Variants in SPTA1 observed in about 807,000 individuals in gnomAD.
SPTA1 encodes spectrin alpha chain, erythrocytic 1.
In SPTA1, 177 loss-of-function variants were observed where a neutral mutation model predicts 324.7. The ratio of observed to expected loss-of-function variants is 0.55; its 90% confidence interval spans 0.48 to 0.62. The LOEUF is 0.62. Ranked by LOEUF, SPTA1 falls within the 20% of genes least tolerant of loss-of-function variation. The probability of loss-of-function intolerance (pLI) is 0.00; values close to 1 mark genes in which losing one functional copy is unlikely to be tolerated. For synonymous variants in SPTA1, 1,195 were observed against 1,041.3 expected, an observed-to-expected ratio of 1.15 and a Z score of -2.84; for missense variants, 3,162 against 2,883.6, an observed-to-expected ratio of 1.10 and a Z score of -2.21.
chr1:158,681,102 A>G (rs1220302765), intron 4 of SPTA1, among the ~76,000 whole-genome samples: 1 of 152,200 alleles, frequency 6.6e-6, no homozygotes, highest in Admixed American at 6.5e-5. Flanking sequence ...AGTCCTAACT[A>G]TTAAATTATT....
chr1:158,639,174 G>A, intron 35 of SPTA1: 1 of 205,042 alleles, frequency 4.9e-6, no homozygotes, highest in Non-Finnish European at 1.0e-5. Flanking sequence ...ATCCTTGACA[G>A]GATTTCCAGA....
chr1:158,634,488 A>T, intron 39 of SPTA1, 55 bp downstream of exon 39: 5 of 1,610,206 alleles, frequency 3.1e-6, no homozygotes, highest in Non-Finnish European at 4.2e-6. Context: ...CTGACTACCC[A>T]AGAAAATAAC....
At chr1:158,668,629 G>C (rs1467105067) in intron 14 of SPTA1, among the ~76,000 whole-genome samples, 1 of 152,150 alleles carries the variant, frequency 6.6e-6, no homozygotes, top group African/African-American at 2.4e-5. Flanking sequence ...GAAATCAAAA[G>C]CCTAATTCTC....
chr1:158,664,145 A>T (rs1653431001), intron 16 of SPTA1, among the ~76,000 whole-genome samples: 1 of 152,210 alleles, frequency 6.6e-6, no homozygotes, highest in Non-Finnish European at 1.5e-5. Flanking sequence ...CTAGAACCAG[A>T]CATATCATTT....
At chr1:158,676,366 G>A (rs1020457543) in intron 7 of SPTA1, 71 bp from the exon 8 acceptor site, 1 of 1,540,764 alleles carries the variant, frequency 6.5e-7, no homozygotes, top group Non-Finnish European at 8.9e-7. Context: ...CTTTGTGGGA[G>A]AGGTATAAAA....
chr1:158,676,255 G>A lies in SPTA1; in HGVS notation c.998C>T (p.Ser333Phe). Reference protein sequence around the residue: ...LCAKAEKLTLSHPSDAPQIQE... With the variant: ...LCAKAEKLTLFHPSDAPQIQE... ...GATCTGAGGTGCATCTGAAGGATGG[G>A]AAAGTGTCAGCTTCTCTGCTTTAGC... The change falls in exon 8 of 52, where the codon TCC (serine) becomes TTC (phenylalanine). Residue 333 changes from serine to phenylalanine, a missense_variant. Physicochemically the swap from Ser to Phe is radical, Grantham distance 155 (BLOSUM62 -2). Coordinates refer to ENST00000643759, the MANE Select transcript of SPTA1 (RefSeq NM_003126.4). 6.2e-7 allele frequency: 1 copy of A among 1,613,716 alleles called. No homozygotes were observed. The highest frequency in any genetic ancestry group is 1.1e-5 in the South Asian group (1 of 91,062).
intron 39 of SPTA1, among the ~76,000 whole-genome samples, chr1:158,634,131 A>G (rs757218854): frequency 6.6e-6 from 1 of 152,226 alleles, no homozygotes; most frequent in Non-Finnish European, 1.5e-5. Context: ...CCTTCTTCCT[A>G]AAATTATATT....
chr1:158,645,726 C>A (rs1009993511), intron 27 of SPTA1, 132 bp from the exon 28 acceptor site: 30 of 935,722 alleles, frequency 3.2e-5, no homozygotes, highest in Non-Finnish European at 5.1e-5. Flanking sequence ...ATATGCTTTA[C>A]AGATCTTACG....
intron 8 of SPTA1, 34 bp downstream of exon 8, chr1:158,676,107 A>C: frequency 6.2e-7 from 1 of 1,612,578 alleles, no homozygotes; most frequent in South Asian, 1.1e-5. Context: ...CCCTGTAGAG[A>C]TAGGTAGAGC....
chr1:158,617,907 C>A, intron 46 of SPTA1, 132 bp downstream of exon 46: 1 of 906,560 alleles, frequency 1.1e-6, no homozygotes. Flanking sequence ...GCTTTTCCTT[C>A]TCACTCCACA....
rs750461353 is a variant in SPTA1 at position 158,619,214 on chromosome 1, T to C, written c.6530+8A>G. 1.6e-5 allele frequency: 26 copies of C among 1,612,986 alleles called. No homozygotes were observed. The highest frequency in any genetic ancestry group is 4.0e-5 in the African/African-American group (3 of 74,884). On this transcript the variant is annotated splice_region_variant and intron_variant, in intron 45 of 51. Transcript: ENST00000643759. ...AGGGGTCATGGTTTGGGATGTAGCA[T>C]AGCACACCTGGTTTCCAGGATCCAT...
chr1:158,664,842 G>A (rs560048289), intron 16 of SPTA1, among the ~76,000 whole-genome samples: 4 of 152,170 alleles, frequency 2.6e-5, no homozygotes, highest in East Asian at 3.9e-4. Flanking sequence ...AACCTCTAAC[G>A]TAGTGCAGGA....
Position 158,655,517 on chromosome 1 carries a change from C to T in SPTA1, c.2899-769G>A, listed in dbSNP as rs138197787. ...ATCTCCTTTAGGTAACATGTTTCCT[C>T]ATACCACACAATATATAAATCCTTC... On this transcript the variant is annotated intron_variant, in intron 20 of 51. Transcript: ENST00000643759. 2.9e-3 allele frequency among the ~76,000 whole-genome samples: 444 copies of T among 152,206 alleles called. 8 individuals are homozygous for T. The South Asian group carries it at 0.041, about 14-fold the overall frequency.
In SPTA1 at chr1:158,634,683, A is replaced by C. The variant is rs917341451; in HGVS notation, c.5433-8T>G. ...TCTTCCAACTTAAGTCCTCTATAAC[A>C]AGGTGGCAAGCCCCAGTGAGGATAA... On this transcript the variant is annotated splice_polypyrimidine_tract_variant and splice_region_variant and intron_variant, in intron 38 of 51. Coordinates refer to ENST00000643759, the MANE Select transcript of SPTA1 (RefSeq NM_003126.4). 16 of 1,613,562 alleles carry C rather than the reference A, an allele frequency of 9.9e-6. No homozygotes were observed. The Middle Eastern group carries it at 4.9e-4, about 50-fold the overall frequency.
At chr1:158,658,208 G>A (rs865929321) in intron 18 of SPTA1, among the ~76,000 whole-genome samples, 17 of 152,144 alleles carry the variant, frequency 1.1e-4, no homozygotes, top group Non-Finnish European at 2.1e-4. Flanking sequence ...GGAGGTTTCT[G>A]GGCTGTAGGC....
At chr1:158,640,049 C>A (rs751151943) in intron 33 of SPTA1, 42 bp from the exon 34 acceptor site, 2 of 1,613,474 alleles carry the variant, frequency 1.2e-6, no homozygotes, top group Non-Finnish European at 1.7e-6. Context: ...TCTTTAGGAT[C>A]CCGGGCCCTG....
intron 43 of SPTA1, among the ~76,000 whole-genome samples, chr1:158,622,419 GAATGTAAT>G (rs1347801812): frequency 1.3e-5 from 2 of 151,928 alleles, no homozygotes; most frequent in East Asian, 3.9e-4. Context: ...ATATTTATAT[GAATGTAAT>G]AATGTAATAA....
intron 1 of SPTA1, 60 bp downstream of exon 1, chr1:158,686,434 G>A (rs1655180736): frequency 2.5e-6 from 3 of 1,195,062 alleles, no homozygotes; most frequent in Non-Finnish European, 1.2e-6. Flanking sequence ...AAAGTTTAAA[G>A]GAAACATCTT....
At position 158,656,772 on chromosome 1, in the gene SPTA1, T is replaced by C. The variant is rs1652857323; in HGVS notation, c.2806-116A>G. 9.4e-5 allele frequency: 88 copies of C among 940,962 alleles called. 1 individual carries two copies. In the South Asian group the frequency reaches 1.2e-3, roughly 13 times the overall value. 58.3% of individuals were successfully genotyped at this position (940,962 alleles called of 1,614,324 possible). A position where few individuals can be genotyped will look rare whatever the true frequency, so the allele number is the denominator to read the frequency against. Reference sequence around the variant, plus strand: ...AAATCCTGGTAAAAGCTGCTTTCCATCTATCATAAAGTTATTTTTAACCCT... The same window carrying C: ...AAATCCTGGTAAAAGCTGCTTTCCACCTATCATAAAGTTATTTTTAACCCT... On this transcript the variant is annotated intron_variant, in intron 19 of 51. Coordinates refer to ENST00000643759, the MANE Select transcript of SPTA1 (RefSeq NM_003126.4).
Sources: gnomAD v4.1 joint callset for allele counts (sites outside exome capture counted in the v4.1 genomes callset) on GRCh38, gnomAD v4.1.1 for gene constraint, MANE v1.5 for transcripts, NCBI Gene and HGNC (gene_info 2026-07-23, HGNC 2026-07-21) for gene names.